SCD5: variants seen among roughly 807,000 people sequenced by gnomAD.
SCD5 encodes acyl-CoA-desaturase 4.
A neutral mutation model predicts 30.4 loss-of-function variants in SCD5; 20 were observed. The ratio of observed to expected loss-of-function variants is 0.66; its 90% CI spans 0.46 to 0.96. SCD5 has a LOEUF of 0.96. Among genes scored for constraint, SCD5 ranks in the 40% least tolerant of loss-of-function variants. The pLI, the probability that SCD5 is intolerant of heterozygous loss-of-function variation, is 0.00. For synonymous variants in SCD5, 173 were observed against 176.4 expected (o/e 0.98, Z 0.16); for missense variants, 381 against 443.3 (o/e 0.86, Z 1.26).
chr4:82,711,400 A>G (rs149099923), intron 1 of SCD5, among the ~76,000 whole-genome samples: 2 of 152,310 alleles, frequency 1.3e-5, no homozygotes, highest in African/African-American at 2.4e-5. Context: ...GCATCCCACA[A>G]TGCACGGAAG....
chr4:82,794,750 C>T (rs532537716), intron 1 of SCD5, among the ~76,000 whole-genome samples: 1 of 151,798 alleles, frequency 6.6e-6, no homozygotes, highest in Non-Finnish European at 1.5e-5. Context: ...CCCAGGTTCA[C>T]GCCATTCTCC....
chr4:82,748,259 G>A (rs1328886873), intron 1 of SCD5, among the ~76,000 whole-genome samples: 1 of 152,026 alleles, frequency 6.6e-6, no homozygotes, highest in Non-Finnish European at 1.5e-5. Context: ...AAACAAGAGG[G>A]AAACACTTGC....
intron 2 of SCD5, among the ~76,000 whole-genome samples, chr4:82,681,940 T>C (rs6815194): frequency 0.8 from 121,138 of 151,486 alleles, 48,629 homozygotes; most frequent in Middle Eastern, 0.87. Flanking sequence ...AGGAAGCCAG[T>C]AGTTTAAAAA....
intron 3 of SCD5, among the ~76,000 whole-genome samples, chr4:82,653,879 T>C (rs945452223): frequency 2.6e-5 from 4 of 151,978 alleles, no homozygotes; most frequent in African/African-American, 9.7e-5. Context: ...GAAAGTCAAA[T>C]GGCAGAAGAG....
At chr4:82,666,213 C>G (rs998029348) in intron 3 of SCD5, among the ~76,000 whole-genome samples, 121 of 152,232 alleles carry the variant, frequency 7.9e-4, no homozygotes, top group African/African-American at 2.7e-3. Flanking sequence ...GAGCTGTTTT[C>G]TCTGATGCAT....
At chr4:82,782,547 T>C (rs1318905646) in intron 1 of SCD5, among the ~76,000 whole-genome samples, 2 of 152,120 alleles carry the variant, frequency 1.3e-5, no homozygotes, top group African/African-American at 2.4e-5. Context: ...AAGCTACTTA[T>C]TTGAGGCTTT....
At chr4:82,655,028 C>A (rs1054770642) in intron 3 of SCD5, among the ~76,000 whole-genome samples, 1 of 152,142 alleles carries the variant, frequency 6.6e-6, no homozygotes, top group Non-Finnish European at 1.5e-5. Context: ...TCAGAAAGAA[C>A]CATCACTTCA....
chr4:82,755,201 G>A (rs911283640), intron 1 of SCD5, among the ~76,000 whole-genome samples: 10 of 152,076 alleles, frequency 6.6e-5, no homozygotes, highest in Non-Finnish European at 1.5e-5. Context: ...AAAAAATTAG[G>A]AGAGATGAAA....
chr4:82,684,451 T>A (rs769397387), intron 2 of SCD5, among the ~76,000 whole-genome samples: 6 of 152,210 alleles, frequency 3.9e-5, no homozygotes, highest in African/African-American at 7.2e-5. Flanking sequence ...GCAAGATTTA[T>A]ATGTTCACCC....
intron 1 of SCD5, among the ~76,000 whole-genome samples, chr4:82,717,687 A>G (rs1011286168): frequency 3.3e-5 from 5 of 151,094 alleles, no homozygotes; most frequent in African/African-American, 1.2e-4. Flanking sequence ...AGGCCAAGGC[A>G]GGCAGATCAC....
chr4:82,759,593 C>T (rs1721311045), intron 1 of SCD5, among the ~76,000 whole-genome samples: 1 of 149,996 alleles, frequency 6.7e-6, no homozygotes, highest in Non-Finnish European at 1.5e-5. Flanking sequence ...GCAGGCAGAC[C>T]ACTTGATTTC....
At chr4:82,662,222 A>G (rs1728028301) in intron 3 of SCD5, among the ~76,000 whole-genome samples, 1 of 151,990 alleles carries the variant, frequency 6.6e-6, no homozygotes, top group African/African-American at 2.4e-5. Context: ...GTGCTCAGCT[A>G]ATTTTCTTAT....
chr4:82,668,325 G>A (rs1452282924), intron 3 of SCD5, among the ~76,000 whole-genome samples: 1 of 152,144 alleles, frequency 6.6e-6, no homozygotes, highest in Non-Finnish European at 1.5e-5. Context: ...GAGATTGAAT[G>A]GGGAGGAGCA....
At chr4:82,652,281 A>C (rs1218371976) in intron 3 of SCD5, among the ~76,000 whole-genome samples, 2 of 152,228 alleles carry the variant, frequency 1.3e-5, no homozygotes, top group Non-Finnish European at 2.9e-5. Flanking sequence ...AAGTTGTTAA[A>C]AGGTTTTATG....
At chr4:82,761,025 A>G (rs1721352986) in intron 1 of SCD5, among the ~76,000 whole-genome samples, 1 of 152,228 alleles carries the variant, frequency 6.6e-6, no homozygotes, top group South Asian at 2.1e-4. Context: ...GAAACAAGGA[A>G]TGGACATTCA....
At chr4:82,679,265 AAGGAAAGAAAGAAAGAAGGAAG>A (rs1728512479) in intron 3 of SCD5, among the ~76,000 whole-genome samples, 2 of 111,250 alleles carry the variant, frequency 1.8e-5, no homozygotes, top group African/African-American at 6.7e-5. Flanking sequence ...AGAAAGAAGG[AAGGAAAGAAAGAAAGAAGGAAG>A]GAAAGAAAGA....
rs1201499155 is a variant in SCD5 at position 82,715,485 on chromosome 4, GC to G, written c.233-10073del. Among the ~76,000 whole-genome samples, 5 of 151,308 alleles carry G rather than the reference GC, an allele frequency of 3.3e-5. No homozygotes were observed. The East Asian group carries it at 7.7e-4, about 23-fold the overall frequency. ...CAGAGCCTAGATTAGGAACTGGAAGGCCCTTGACAAGTTACTCATCACTCTG... is the reference window on the plus strand; with the variant it reads ...CAGAGCCTAGATTAGGAACTGGAAGGCCTTGACAAGTTACTCATCACTCTG... On this transcript the variant is annotated intron_variant, in intron 1 of 4. Coordinates refer to ENST00000319540, the MANE Select transcript of SCD5 (RefSeq NM_001037582.3).
chr4:82,747,633 C>A (rs11942543), intron 1 of SCD5, among the ~76,000 whole-genome samples: 1 of 152,132 alleles, frequency 6.6e-6, no homozygotes, highest in Non-Finnish European at 1.5e-5. Flanking sequence ...AGTGATCAAA[C>A]AGATACCAGC....
At chr4:82,708,790 G>C (rs1423865889) in intron 1 of SCD5, among the ~76,000 whole-genome samples, 2 of 152,196 alleles carry the variant, frequency 1.3e-5, no homozygotes, top group African/African-American at 4.8e-5. Flanking sequence ...CCTGATCAGA[G>C]AAAGAGATGG....
Sources: gnomAD v4.1 joint callset for allele counts (sites outside exome capture counted in the v4.1 genomes callset) on GRCh38, gnomAD v4.1.1 for gene constraint, MANE v1.5 for transcripts, NCBI Gene and HGNC (gene_info 2026-07-23, HGNC 2026-07-21) for gene names.